Variants in FBXO11 observed in about 807,000 individuals in gnomAD.
The protein encoded by FBXO11 is F-box only protein 11.
Under a neutral mutation model 117.0 loss-of-function variants are expected in FBXO11, and 13 were observed. The ratio of observed to expected loss-of-function variants is 0.11; its 90% CI spans 0.07 to 0.18. FBXO11 has a LOEUF of 0.18. Ranked by LOEUF, FBXO11 falls within the 10% of genes least tolerant of loss-of-function variation. The pLI is 1.00. For synonymous variants in FBXO11, 490 were observed against 380.5 expected, an observed-to-expected ratio of 1.29 and a Z score of -3.35; for missense variants, 767 against 1,164.4, an observed-to-expected ratio of 0.66 and a Z score of 4.97.
intron 1 of FBXO11, among the ~76,000 whole-genome samples, chr2:47,845,327 A>C (rs1048580699): frequency 6.6e-6 from 1 of 152,222 alleles, no homozygotes. Flanking sequence ...AATACCACAG[A>C]AATCTCAACT....
chr2:47,869,447 T>C (rs1449517940), intron 1 of FBXO11, among the ~76,000 whole-genome samples: 2 of 152,196 alleles, frequency 1.3e-5, no homozygotes, highest in East Asian at 3.9e-4. Context: ...GGAAAAGTTA[T>C]ATCTGAAATA....
At chr2:47,837,717 T>C (rs1251109916) in intron 4 of FBXO11, among the ~76,000 whole-genome samples, 1 of 152,190 alleles carries the variant, frequency 6.6e-6, no homozygotes, top group South Asian at 2.1e-4. Context: ...TTATATAGCA[T>C]ATACAATTTT....
intron 1 of FBXO11, among the ~76,000 whole-genome samples, chr2:47,900,776 G>A (rs1230131086): frequency 5.2e-5 from 4 of 76,382 alleles, no homozygotes; most frequent in African/African-American, 1.1e-4. Flanking sequence ...ATATATACAC[G>A]TATACACACA....
At chr2:47,849,335 A>T (rs1254579941) in intron 1 of FBXO11, among the ~76,000 whole-genome samples, 1 of 152,220 alleles carries the variant, frequency 6.6e-6, no homozygotes, top group Non-Finnish European at 1.5e-5. Flanking sequence ...TACATTTTAA[A>T]ATTATTTATT....
At chr2:47,900,976 T>C (rs1296673601) in intron 1 of FBXO11, among the ~76,000 whole-genome samples, 1 of 144,834 alleles carries the variant, frequency 6.9e-6, no homozygotes, top group East Asian at 2.0e-4. Flanking sequence ...TCAGTACGTA[T>C]AATATTACAT....
chr2:47,905,611 TG>T lies in FBXO11; in HGVS notation c.109del (p.Gln37SerfsTer129). The T allele has an allele frequency of 7.4e-7, 1 of 1,356,300 alleles. No homozygotes were observed. 84.0% of individuals were successfully genotyped at this position (1,356,300 alleles called of 1,614,324 possible). ...AGGCTGCTGCTGGGGCGGCTGCTGC[TG>T]GGGCGGCTGCGGCGGCGGCTGCTGC... ...PPQQPPPQPP[Q>X]QQPPQQQPPP... On this transcript the variant is annotated frameshift_variant, in exon 1 of 23. Coordinates refer to ENST00000403359, the MANE Select transcript of FBXO11 (RefSeq NM_001190274.2). LOFTEE classifies it high-confidence loss of function.
chr2:47,861,043 T>C (rs1674732103), intron 1 of FBXO11, among the ~76,000 whole-genome samples: 1 of 151,516 alleles, frequency 6.6e-6, no homozygotes, highest in Non-Finnish European at 1.5e-5. Flanking sequence ...AGAGATGGGG[T>C]TTCTCCATGT....
rs372724556 is a variant in FBXO11, at chr2:47,868,885, C to T, written c.233-29116G>A. On this transcript the variant is annotated intron_variant, in intron 1 of 22. Coordinates refer to ENST00000403359, the MANE Select transcript of FBXO11 (RefSeq NM_001190274.2). ...ATGAAAAAGGCAACATTTGTTCTCA[C>T]TGGCATAGACACTTCACAGCAAATG... 8.5e-5 allele frequency among the ~76,000 whole-genome samples: 13 copies of T among 152,332 alleles called. No homozygotes were observed. In the East Asian group the frequency reaches 1.5e-3, roughly 18 times the overall value.
At chr2:47,821,048 C>CA (rs1671343313) in intron 13 of FBXO11, among the ~76,000 whole-genome samples, 1 of 152,166 alleles carries the variant, frequency 6.6e-6, no homozygotes, top group South Asian at 2.1e-4. Context: ...ACCACAGAAA[C>CA]AATTAACTAT....
intron 1 of FBXO11, among the ~76,000 whole-genome samples, chr2:47,874,072 A>G (rs906295091): frequency 2.0e-5 from 3 of 152,010 alleles, no homozygotes; most frequent in African/African-American, 7.2e-5. Flanking sequence ...AAATTAGCCG[A>G]CTATGGTGGC....
intron 1 of FBXO11, among the ~76,000 whole-genome samples, chr2:47,898,621 CTCA>C (rs1282234561): frequency 1.3e-5 from 2 of 152,146 alleles, no homozygotes; most frequent in Non-Finnish European, 2.9e-5. Flanking sequence ...TCAGTAGAGT[CTCA>C]TCTTGAGACA....
intron 1 of FBXO11, among the ~76,000 whole-genome samples, chr2:47,848,579 C>T (rs1377887035): frequency 6.6e-6 from 1 of 152,246 alleles, no homozygotes; most frequent in Non-Finnish European, 1.5e-5. Context: ...ATGCTATTTG[C>T]ACACACATAT....
chr2:47,891,914 C>T (rs1677286567), intron 1 of FBXO11, among the ~76,000 whole-genome samples: 2 of 152,076 alleles, frequency 1.3e-5, no homozygotes, highest in Admixed American at 1.3e-4. Context: ...ATCTGTATGT[C>T]TTCTCTGGAG....
rs539360457 is a variant in FBXO11, at chr2:47,859,244, A to G, written c.233-19475T>C. 5.3e-5 allele frequency among the ~76,000 whole-genome samples: 8 copies of G among 152,242 alleles called. No individual in the cohort carries two copies. In the South Asian group the frequency reaches 1.7e-3, roughly 32 times the overall value. On this transcript the variant is annotated intron_variant, in intron 1 of 22. Coordinates refer to ENST00000403359, the MANE Select transcript of FBXO11 (RefSeq NM_001190274.2). The stretch of plus-strand genomic sequence containing the variant: ...GCGATGTATAAGCAGAAACACTACA[A>G]TAAAATGTACCCAACTAATCTGAAG...
chr2:47,840,030 G>A lies in FBXO11; in HGVS notation c.233-261C>T, dbSNP rs1333027983. On this transcript the variant is annotated intron_variant, in intron 1 of 22. Transcript: ENST00000403359. Reference sequence around the variant, plus strand: ...GCAATCTCGGCTCACTGCAAGCTCCGCCTCCTGGGTTCACGCCTTTCTCCT... The same window carrying A: ...GCAATCTCGGCTCACTGCAAGCTCCACCTCCTGGGTTCACGCCTTTCTCCT... 1.2e-4 allele frequency among the ~76,000 whole-genome samples: 18 copies of A among 151,374 alleles called. 1 individual carries two copies. Among genetic ancestry groups the A allele is most frequent in the South Asian group, 6.3e-4 (3 of 4,794 alleles).
chr2:47,865,495 T>C (rs1233069429), intron 1 of FBXO11, among the ~76,000 whole-genome samples: 1 of 152,198 alleles, frequency 6.6e-6, no homozygotes, highest in Non-Finnish European at 1.5e-5. Context: ...TGCAGACTAA[T>C]AAATAAAACA....
At chr2:47,842,660 G>A (rs1389646904) in intron 1 of FBXO11, among the ~76,000 whole-genome samples, 1 of 151,536 alleles carries the variant, frequency 6.6e-6, no homozygotes, top group Admixed American at 6.6e-5. Context: ...AAAACACACA[G>A]TATGCCTGGG....
At position 47,807,339 on chromosome 2, in the gene FBXO11, G is replaced by C. The variant is rs924302124; in HGVS notation, c.*779C>G. On this transcript the variant is annotated 3_prime_UTR_variant, in exon 23 of 23. Coordinates refer to ENST00000403359, the MANE Select transcript of FBXO11 (RefSeq NM_001190274.2). ...AAAACTGAGTTACAAGAATACTTTTGTTTTACAGTGCATCCCTTCCTAGGA... is the reference window on the plus strand; with the variant it reads ...AAAACTGAGTTACAAGAATACTTTTCTTTTACAGTGCATCCCTTCCTAGGA... The C allele has an allele frequency of 1.4e-5, 3 of 212,436 alleles. No individual in the cohort carries two copies. Among genetic ancestry groups the C allele is most frequent in the Non-Finnish European group, 1.9e-5 (2 of 104,882 alleles). 13.2% of individuals were successfully genotyped at this position (212,436 alleles called of 1,614,324 possible).
chr2:47,832,313 G>A (rs1261245493), intron 11 of FBXO11, 36 bp downstream of exon 11: 7 of 1,538,526 alleles, frequency 4.5e-6, no homozygotes, highest in Non-Finnish European at 5.3e-6. Flanking sequence ...AACTGATACA[G>A]AAGTCCGTTT....
Sources: gnomAD v4.1 joint callset for allele counts (sites outside exome capture counted in the v4.1 genomes callset) on GRCh38, gnomAD v4.1.1 for gene constraint, MANE v1.5 for transcripts, NCBI Gene and HGNC (gene_info 2026-07-23, HGNC 2026-07-21) for gene names.